The following BRCA1 variants were observed in gnomAD, a reference collection of about 807,000 sequenced individuals.
BRCA1 encodes BRCA1 DNA repair associated, also known as breast cancer type 1 susceptibility protein.
BRCA1 carries 140 observed loss-of-function variants against 173.7 expected under a neutral mutation model. That is an observed-to-expected ratio of 0.81 (90% CI 0.70 to 0.93). The LOEUF is 0.93. Ranked by LOEUF, BRCA1 falls within the 40% of genes least tolerant of loss-of-function variation. The probability of loss-of-function intolerance (pLI) is 0.00; values close to 1 mark genes in which losing one functional copy is unlikely to be tolerated. For synonymous variants in BRCA1, 662 were observed against 756.0 expected, an observed-to-expected ratio of 0.88 and a Z score of 2.04; for missense variants, 1,983 against 2,172.5, an observed-to-expected ratio of 0.91 and a Z score of 1.73.
Position 43,093,535 on chromosome 17 carries a change from G to T in BRCA1, c.1996C>A (p.Leu666Ile), listed in dbSNP as rs1555590709. ...NQMPVRHSRN[L>I]QLMEGKEPAT... ...GGTTCTTTACCTTCCATGAGTTGTA[G>T]GTTTCTGCTGTGCCTGACTGGCATT... The change falls in exon 10 of 23, where the codon CTA (leucine) becomes ATA (isoleucine). Residue 666 changes from leucine (L) to isoleucine (I), a missense_variant. Physicochemically the swap from Leu to Ile is conservative, Grantham distance 5. Coordinates refer to ENST00000357654, the MANE Select transcript of BRCA1 (RefSeq NM_007294.4). 6.2e-7 allele frequency: 1 copy of T among 1,613,950 alleles called. No individual in the cohort carries two copies. The highest frequency in any genetic ancestry group is 1.6e-4 in the Middle Eastern group (1 of 6,062).
intron 1 of BRCA1, among the ~76,000 whole-genome samples, chr17:43,169,631 C>G (rs1437893628): frequency 6.6e-6 from 1 of 152,068 alleles, no homozygotes; most frequent in Non-Finnish European, 1.5e-5. Context: ...CGCCTTATGC[C>G]TCTCAGGTTC....
At chr17:43,139,969 T>C in intron 1 of BRCA1, 1 of 494,542 alleles carries the variant, frequency 2.0e-6, no homozygotes. Context: ...ATTTTCTGCA[T>C]GATAGGAGCG....
chr17:43,096,601 G>A (rs988341057), intron 8 of BRCA1, among the ~76,000 whole-genome samples: 2 of 148,668 alleles, frequency 1.3e-5, no homozygotes, highest in Admixed American at 6.7e-5. Flanking sequence ...CCTGGGTCAA[G>A]CAATAATTCC....
At chr17:43,128,374 A>G (rs952007239), upstream of BRCA1, among the ~76,000 whole-genome samples, 6 of 152,124 alleles carry the variant, frequency 3.9e-5, no homozygotes, top group African/African-American at 1.4e-4. Flanking sequence ...ATCCACCAGA[A>G]GGAGGTAACT....
Position 43,132,375 on chromosome 17 carries a change from G to A in BRCA1, c.-19-8260C>T, listed in dbSNP as rs186245620. Among the ~76,000 whole-genome samples, 101 of 152,230 alleles carry A rather than the reference G, an allele frequency of 6.6e-4. No homozygotes were observed. The Middle Eastern group carries it at 0.014, about 21-fold the overall frequency. On this transcript the variant is annotated intron_variant, in intron 1 of 7. Coordinates refer to the BRCA1 transcript ENST00000634433. ...ATTGGGTTGCCCTGAGCCCCACACT[G>A]TTTTAAGGAAGTCCCAGCAAATAAT...
intron 1 of BRCA1, among the ~76,000 whole-genome samples, chr17:43,147,328 T>G (rs2056130037): frequency 6.6e-6 from 1 of 152,232 alleles, no homozygotes; most frequent in Non-Finnish European, 1.5e-5. Flanking sequence ...TAGCTGGGAC[T>G]ACAGGTGCCC....
In BRCA1 at chr17:43,049,434, G is replaced by T. The variant is rs1251476553; in HGVS notation, c.5333-240C>A. Among the ~76,000 whole-genome samples the T allele has an allele frequency of 2.6e-5, 4 of 152,068 alleles. No homozygotes were observed. Among genetic ancestry groups the T allele is most frequent in the Non-Finnish European group, 4.4e-5 (3 of 68,010 alleles). On this transcript the variant is annotated intron_variant, in intron 20 of 22. Transcript: ENST00000357654. ...CATAAGGCCACTTGGTATAAGGTTTGATAGTCTCTCAAATAAAATGCTTGA... is the reference window on the plus strand; with the variant it reads ...CATAAGGCCACTTGGTATAAGGTTTTATAGTCTCTCAAATAAAATGCTTGA...
At position 43,045,758 on chromosome 17, in the gene BRCA1, C is replaced by A. The variant is rs730881501; in HGVS notation, c.5512G>T (p.Val1838Leu). 1 of 1,613,968 alleles carries A rather than the reference C, an allele frequency of 6.2e-7. No individual in the cohort carries two copies. Among genetic ancestry groups the A allele is most frequent in the African/African-American group, 1.3e-5 (1 of 74,876 alleles). ...TGGTAGAGTGCTACACTGTCCAACA[C>A]CCACTCTCGGGTCACCACAGGTGCC... ...CEAPVVTREW[V>L]LDSVALYQCQ... is the part of the protein sequence containing the mutation. Residue 1838 changes from valine (V) to leucine (L), a missense_variant, in exon 23 of 23, where the codon GTG becomes TTG. By Grantham distance (32) the Val-to-Leu change is conservative (BLOSUM62 1). Coordinates refer to ENST00000357654, the MANE Select transcript of BRCA1 (RefSeq NM_007294.4).
intron 18 of BRCA1, among the ~76,000 whole-genome samples, chr17:43,057,934 T>A (rs1323752413): frequency 7.0e-6 from 1 of 143,140 alleles, no homozygotes; most frequent in African/African-American, 2.7e-5. Context: ...GCATGAGAAT[T>A]GCTGGAATCC....
At position 43,094,679 on chromosome 17, in the gene BRCA1, C is replaced by G. The variant is rs1597879571; in HGVS notation, c.852G>C (p.Gln284His). Reference protein sequence around the residue: ...CGTNTHASSLQHENSSLLLTK... With the variant: ...CGTNTHASSLHHENSSLLLTK... ...TGAGTAATAAACTGCTGTTCTCATG[C>G]TGTAATGAGCTGGCATGAGTATTTG... Residue 284 changes from glutamine (Q) to histidine (H), a missense_variant, in exon 10 of 23, where the codon CAG (glutamine) becomes CAC (histidine). Gln to His is a conservative substitution (Grantham distance 24, BLOSUM62 0). Transcript: ENST00000357654. 5 of 1,613,888 alleles carry G rather than the reference C, an allele frequency of 3.1e-6. No individual in the cohort carries two copies. The East Asian group carries it at 1.1e-4, about 36-fold the overall frequency.
chr17:43,092,991 A>G lies in BRCA1; in HGVS notation c.2540T>C (p.Met847Thr). The G allele has an allele frequency of 6.2e-7, 1 of 1,613,400 alleles. No individual in the cohort carries two copies. The highest frequency in any genetic ancestry group is 1.7e-4 in the Middle Eastern group (1 of 6,060). The change falls in exon 10 of 23, where the codon ATG (methionine) becomes ACG (threonine). Residue 847 changes from methionine (M) to threonine (T), a missense_variant. By Grantham distance (81) the Met-to-Thr change is moderately conservative (BLOSUM62 -1). Coordinates refer to ENST00000357654, the MANE Select transcript of BRCA1 (RefSeq NM_007294.4). ...CTGAGCATCAAGTTCACTTTCTTCC[A>G]TTTCTATGCTTGTTTCCCGACTGTG... Reference protein sequence around the residue: ...VNHSRETSIEMEESELDAQYL... With the variant: ...VNHSRETSIETEESELDAQYL...
At chr17:43,138,607 C>T in intron 1 of BRCA1, 2 of 749,452 alleles carry the variant, frequency 2.7e-6, no homozygotes, top group Non-Finnish European at 5.0e-6. Context: ...TGGAGTTGTG[C>T]TGCAGAGTGG....
At chr17:43,102,885 G>C (rs2054555131) in intron 6 of BRCA1, among the ~76,000 whole-genome samples, 1 of 151,790 alleles carries the variant, frequency 6.6e-6, no homozygotes, top group African/African-American at 2.4e-5. Flanking sequence ...GAACTCCTGA[G>C]CTCAGGCAAT....
In BRCA1 at chr17:43,090,932, C is replaced by T. The variant is rs1453378073; in HGVS notation, c.4185+12G>A. 6.2e-7 allele frequency: 1 copy of T among 1,603,756 alleles called. No individual in the cohort carries two copies. On this transcript the variant is annotated intron_variant, in intron 11 of 22. Coordinates refer to ENST00000357654, the MANE Select transcript of BRCA1 (RefSeq NM_007294.4). ...ACACACACGCATGTGCACACACACA[C>T]ACGCTTTTTACCTGAGTGGTTAAAA...
intron 2 of BRCA1, among the ~76,000 whole-genome samples, chr17:43,117,797 C>T (rs1022293649): frequency 2.6e-5 from 4 of 152,178 alleles, no homozygotes; most frequent in African/African-American, 9.6e-5. Flanking sequence ...AAGTTCCCAT[C>T]CCTACCTGTC....
At chr17:43,125,428 G>C, upstream of BRCA1, 1 of 374,568 alleles carries the variant, frequency 2.7e-6, no homozygotes, top group Non-Finnish European at 5.4e-6. Context: ...CCGTTGCCAC[G>C]GAAACCAAGG....
intron 12 of BRCA1, among the ~76,000 whole-genome samples, chr17:43,079,074 C>T (rs549881847): frequency 6.6e-6 from 1 of 152,198 alleles, no homozygotes; most frequent in South Asian, 2.1e-4. Flanking sequence ...GTGGCGGGTG[C>T]CTGTAATCCC....
At chr17:43,149,649 A>G (rs2056148054) in intron 1 of BRCA1, among the ~76,000 whole-genome samples, 1 of 152,228 alleles carries the variant, frequency 6.6e-6, no homozygotes, top group African/African-American at 2.4e-5. Flanking sequence ...GATATGAAGC[A>G]TGATCAATCA....
chr17:43,048,400 G>A (rs370114428), intron 21 of BRCA1, among the ~76,000 whole-genome samples: 7 of 151,888 alleles, frequency 4.6e-5, no homozygotes, highest in African/African-American at 1.7e-4. Flanking sequence ...ACGGGGTTTC[G>A]CCATGTTGGT....
Sources: gnomAD v4.1 joint callset for allele counts (sites outside exome capture counted in the v4.1 genomes callset) on GRCh38, gnomAD v4.1.1 for gene constraint, MANE v1.5 for transcripts, NCBI Gene and HGNC (gene_info 2026-07-23, HGNC 2026-07-21) for gene names.